Variants in NUP210 observed in about 807,000 individuals in gnomAD.
NUP210 encodes the protein nucleoporin 210.
In NUP210, 151 loss-of-function variants were observed where a neutral mutation model predicts 196.0. The ratio of observed to expected loss-of-function variants is 0.77; its 90% CI spans 0.67 to 0.88. The LOEUF is 0.88. Among genes scored for constraint, NUP210 ranks in the 40% least tolerant of loss-of-function variants. The pLI is 0.00. For synonymous variants in NUP210, 1,070 were observed against 1,052.7 expected (o/e 1.02, Z -0.32); for missense variants, 2,314 against 2,493.7 (o/e 0.93, Z 1.53).
chr3:13,394,466 G>A (rs1191036250), intron 3 of NUP210, among the ~76,000 whole-genome samples: 1 of 152,246 alleles, frequency 6.6e-6, no homozygotes, highest in Admixed American at 6.5e-5. Flanking sequence ...CCAGCCATGT[G>A]GGGAGGGCCC....
rs751262814 is a variant in NUP210 at position 13,358,246 on chromosome 3, C to T, written c.2304G>A (p.Pro768=). The stretch of plus-strand genomic sequence containing the variant: ...CCACCTGCTTGTTCTGCTGCAGCAG[C>T]GGACAGGACATGTCCAGCTGGGGGC... ...YTSPQLDMSC[P]LLQQNKQVVP... The change falls in exon 16 of 40, where the codon CCG becomes CCA. Residue 768 remains proline (P), a synonymous_variant. Coordinates refer to ENST00000254508, the MANE Select transcript of NUP210 (RefSeq NM_024923.4). 92 of 1,609,842 alleles carry T rather than the reference C, an allele frequency of 5.7e-5. No homozygotes were observed. Among genetic ancestry groups the T allele is most frequent in the African/African-American group, 3.5e-4 (26 of 74,812 alleles).
chr3:13,398,928 T>G (rs1699750066), intron 2 of NUP210, among the ~76,000 whole-genome samples: 1 of 152,154 alleles, frequency 6.6e-6, no homozygotes, highest in Non-Finnish European at 1.5e-5. Flanking sequence ...AGTAAGTCAC[T>G]GTCTCAAAAC....
At chr3:13,327,195 C>G (rs769805848) in intron 32 of NUP210, 22 bp downstream of exon 32, 4 of 1,596,836 alleles carry the variant, frequency 2.5e-6, no homozygotes, top group Non-Finnish European at 2.6e-6. Context: ...CCACAGGTTC[C>G]CTTGCTCAGG....
chr3:13,360,489 A>G lies in NUP210; in HGVS notation c.1935T>C (p.Ala645=). ...ITIAAYLPLK[A]VDPSSVALVT... ...CCAAGGCAACAGAGGAGGGATCCAC[A>G]GCCTGGGGACAGAAGAGGCAGAAGA... Residue 645 remains alanine, a splice_region_variant and synonymous_variant, in exon 15 of 40, where the codon GCT becomes GCC. Transcript: ENST00000254508. The G allele has an allele frequency of 6.2e-7, 1 of 1,607,086 alleles. No homozygotes were observed. The highest frequency in any genetic ancestry group is 1.3e-5 in the African/African-American group (1 of 74,998).
At chr3:13,335,684 C>T in intron 27 of NUP210, 72 bp from the exon 28 acceptor site, 1 of 1,529,944 alleles carries the variant, frequency 6.5e-7, no homozygotes, top group South Asian at 1.2e-5. Context: ...CAGAGCCGGA[C>T]AGTAGCCCCA....
chr3:13,406,538 G>A (rs1054214456), intron 1 of NUP210, among the ~76,000 whole-genome samples: 4 of 152,178 alleles, frequency 2.6e-5, no homozygotes, highest in African/African-American at 9.6e-5. Flanking sequence ...GAAAAGGCAG[G>A]GTCTGCACAT....
At chr3:13,352,277 T>A in intron 18 of NUP210, 93 bp from the exon 19 acceptor site, 1 of 894,432 alleles carries the variant, frequency 1.1e-6, no homozygotes, top group Non-Finnish European at 1.8e-6. Flanking sequence ...GGCCTGGCCT[T>A]GCTCCTGGCC....
intron 16 of NUP210, among the ~76,000 whole-genome samples, chr3:13,355,668 G>C (rs1559325805): frequency 1.3e-5 from 2 of 152,206 alleles, no homozygotes; most frequent in Admixed American, 6.5e-5. Flanking sequence ...ATTCAAGCAG[G>C]CTACAAATTC....
At position 13,377,051 on chromosome 3, in the gene NUP210, G is replaced by C. The variant is rs184560830; in HGVS notation, c.1152+405C>G. On this transcript the variant is annotated intron_variant, in intron 9 of 39. Coordinates refer to ENST00000254508, the MANE Select transcript of NUP210 (RefSeq NM_024923.4). ...TCATGCAGGGTTCCAGGTATTTCTGGAACCCAGTACGGAGAAAGCCAGGAC... is the reference window on the plus strand; with the variant it reads ...TCATGCAGGGTTCCAGGTATTTCTGCAACCCAGTACGGAGAAAGCCAGGAC... Among the ~76,000 whole-genome samples the C allele has an allele frequency of 8.0e-3, 1,221 of 152,292 alleles. 37 individuals are homozygous for C. The highest frequency in any genetic ancestry group is 0.05 in the Admixed American group (762 of 15,302).
At chr3:13,412,874 G>A (rs1700223335) in intron 1 of NUP210, among the ~76,000 whole-genome samples, 1 of 151,944 alleles carries the variant, frequency 6.6e-6, no homozygotes, top group Admixed American at 6.6e-5. Flanking sequence ...AGGAGGCTGA[G>A]GCAGGAGAAT....
At chr3:13,335,745 C>T in intron 27 of NUP210, 133 bp from the exon 28 acceptor site, 2 of 985,588 alleles carry the variant, frequency 2.0e-6, no homozygotes, top group South Asian at 1.6e-5. Flanking sequence ...CTCAAGGGCT[C>T]TGCCTTCCTG....
intron 31 of NUP210, 121 bp downstream of exon 31, chr3:13,328,650 G>A: frequency 1.0e-6 from 1 of 967,894 alleles, no homozygotes; most frequent in South Asian, 1.5e-5. Flanking sequence ...CACATCTCTT[G>A]GAAACTGAAG....
chr3:13,388,804 C>T (rs1187643064), intron 4 of NUP210, among the ~76,000 whole-genome samples: 7 of 152,258 alleles, frequency 4.6e-5, no homozygotes, highest in African/African-American at 1.7e-4. Flanking sequence ...GATGAGGCAG[C>T]AGGCCCAAGA....
intron 1 of NUP210, among the ~76,000 whole-genome samples, chr3:13,403,182 G>A (rs956453017): frequency 1.3e-5 from 2 of 152,188 alleles, no homozygotes; most frequent in East Asian, 3.8e-4. Context: ...ACAGTCACAC[G>A]TCTTAGTCTT....
chr3:13,328,405 C>A (rs1696863206), intron 31 of NUP210, among the ~76,000 whole-genome samples: 1 of 152,254 alleles, frequency 6.6e-6, no homozygotes, highest in Non-Finnish European at 1.5e-5. Flanking sequence ...TAAGGCAACA[C>A]CCCTGACACC....
chr3:13,413,889 T>C (rs186290939), intron 1 of NUP210, among the ~76,000 whole-genome samples: 5 of 152,340 alleles, frequency 3.3e-5, no homozygotes, highest in Non-Finnish European at 1.5e-5. Flanking sequence ...AAAAAATATG[T>C]AAACCACATA....
chr3:13,322,135 T>C, intron 35 of NUP210, 58 bp downstream of exon 35: 2 of 1,596,334 alleles, frequency 1.3e-6, no homozygotes, highest in Non-Finnish European at 1.7e-6. Context: ...AGCCGCAAGA[T>C]GCCCAGAAGA....
intron 1 of NUP210, among the ~76,000 whole-genome samples, chr3:13,419,591 C>A (rs1700462227): frequency 6.6e-6 from 1 of 152,226 alleles, no homozygotes; most frequent in Non-Finnish European, 1.5e-5. Flanking sequence ...CTCCCCGCGA[C>A]GCTAGGCGCT....
chr3:13,401,317 C>T (rs893222593), intron 1 of NUP210, among the ~76,000 whole-genome samples: 2 of 149,844 alleles, frequency 1.3e-5, no homozygotes, highest in Non-Finnish European at 3.0e-5. Context: ...AGATGTCCCG[C>T]CTTCTGGCTG....
Sources: gnomAD v4.1 joint callset for allele counts (sites outside exome capture counted in the v4.1 genomes callset) on GRCh38, gnomAD v4.1.1 for gene constraint, MANE v1.5 for transcripts, NCBI Gene and HGNC (gene_info 2026-07-23, HGNC 2026-07-21) for gene names.